Variants in OXR1 observed in about 807,000 individuals in gnomAD.
OXR1 encodes the protein oxidation resistance protein 1.
Under a neutral mutation model 104.6 loss-of-function variants are expected in OXR1, and 41 were observed. That is an observed-to-expected ratio of 0.39 (90% CI 0.31 to 0.51). OXR1 has a LOEUF of 0.51. OXR1 is among the 20% of genes least tolerant of loss of function. The pLI, the probability that OXR1 is intolerant of heterozygous loss-of-function variation, is 0.77. For missense variants in OXR1, 955 were observed against 1,031.9 expected, an observed-to-expected ratio of 0.93 and a Z score of 1.02; for synonymous variants, 348 against 348.4, an observed-to-expected ratio of 1.00 and a Z score of 0.01.
intron 3 of OXR1, among the ~76,000 whole-genome samples, chr8:106,523,352 G>A (rs1288508214): frequency 6.6e-6 from 1 of 152,120 alleles, no homozygotes; most frequent in African/African-American, 2.4e-5. Flanking sequence ...AGTTATGCAG[G>A]TATGTACACC....
At chr8:106,608,394 T>TG (rs1282042692) in intron 3 of OXR1, among the ~76,000 whole-genome samples, 1 of 152,160 alleles carries the variant, frequency 6.6e-6, no homozygotes, top group Non-Finnish European at 1.5e-5. Flanking sequence ...AATCTTTCAA[T>TG]GGCCTAATGA....
At chr8:106,666,164 T>C (rs1826305466) in intron 3 of OXR1, among the ~76,000 whole-genome samples, 2 of 152,236 alleles carry the variant, frequency 1.3e-5, no homozygotes, top group Admixed American at 6.5e-5. Context: ...TATGCAGTTA[T>C]CTAACAGTCC....
intron 3 of OXR1, among the ~76,000 whole-genome samples, chr8:106,650,393 T>C (rs907428434): frequency 3.9e-5 from 6 of 152,186 alleles, no homozygotes; most frequent in Non-Finnish European, 8.8e-5. Context: ...TTAGGTATAC[T>C]GACTGCAGAT....
intron 3 of OXR1, among the ~76,000 whole-genome samples, chr8:106,661,526 TG>T (rs1055269698): frequency 4.6e-5 from 7 of 152,222 alleles, no homozygotes; most frequent in African/African-American, 1.7e-4. Flanking sequence ...AGCTCTTGTT[TG>T]GGGGCATAAC....
chr8:106,299,761 A>C (rs1220879228), intron 1 of OXR1, among the ~76,000 whole-genome samples: 2 of 152,206 alleles, frequency 1.3e-5, no homozygotes, highest in African/African-American at 4.8e-5. Flanking sequence ...ATGCTTGACT[A>C]TATGTTGATC....
intron 3 of OXR1, among the ~76,000 whole-genome samples, chr8:106,601,197 A>T (rs1280540097): frequency 6.6e-6 from 1 of 152,236 alleles, no homozygotes; most frequent in Non-Finnish European, 1.5e-5. Context: ...TACCCAAAAA[A>T]GTTAAAAAGA....
chr8:106,345,883 A>C (rs148089323), intron 1 of OXR1, among the ~76,000 whole-genome samples: 2 of 152,336 alleles, frequency 1.3e-5, no homozygotes, highest in African/African-American at 4.8e-5. Context: ...ACAATCAGAA[A>C]AATTGAAACC....
intron 3 of OXR1, chr8:106,581,288 A>C (rs1188901209): frequency 4.0e-6 from 5 of 1,247,980 alleles, no homozygotes; most frequent in African/African-American, 1.5e-5. Flanking sequence ...ATTTTTTTTT[A>C]ATTTTTCATT....
intron 2 of OXR1, among the ~76,000 whole-genome samples, chr8:106,372,086 T>C (rs111563583): frequency 0.047 from 7,117 of 152,286 alleles, 516 homozygotes; most frequent in African/African-American, 0.16. Flanking sequence ...CTTAGGCAGA[T>C]TCCAGCTGAG....
intron 11 of OXR1, among the ~76,000 whole-genome samples, chr8:106,724,324 G>C (rs1833126149): frequency 6.6e-6 from 1 of 152,086 alleles, no homozygotes; most frequent in Non-Finnish European, 1.5e-5. Flanking sequence ...ATTGACATCT[G>C]CTTCAAATTC....
At chr8:106,707,387 G>GCT in intron 9 of OXR1, 1 of 622,980 alleles carries the variant, frequency 1.6e-6, no homozygotes, top group Admixed American at 3.1e-5. Flanking sequence ...AACATTCTTG[G>GCT]CTCACTACAT....
intron 2 of OXR1, among the ~76,000 whole-genome samples, chr8:106,370,413 T>A (rs150506095): frequency 0.025 from 3,804 of 152,262 alleles, 164 homozygotes; most frequent in African/African-American, 0.087. Context: ...CTGATTGCCC[T>A]GGCCAAAACT....
At chr8:106,470,796 CAT>C (rs1347337935) in intron 2 of OXR1, among the ~76,000 whole-genome samples, 1 of 151,636 alleles carries the variant, frequency 6.6e-6, no homozygotes, top group African/African-American at 2.4e-5. Context: ...TATGAAAAGA[CAT>C]ATGAGTGTGA....
chr8:106,491,946 GCTA>G (rs1209426794), intron 2 of OXR1, among the ~76,000 whole-genome samples: 2 of 152,084 alleles, frequency 1.3e-5, no homozygotes, highest in African/African-American at 4.8e-5. Flanking sequence ...GATATAAAAT[GCTA>G]TCTGGCTATA....
At chr8:106,492,854 A>C (rs1373629894) in intron 2 of OXR1, among the ~76,000 whole-genome samples, 3 of 152,212 alleles carry the variant, frequency 2.0e-5, no homozygotes, top group Non-Finnish European at 4.4e-5. Flanking sequence ...AACTTTCACC[A>C]GTCCAGAATC....
chr8:106,305,832 A>G (rs554959808), intron 1 of OXR1, among the ~76,000 whole-genome samples: 5 of 152,210 alleles, frequency 3.3e-5, no homozygotes, highest in Admixed American at 6.5e-5. Context: ...GTAACATCTA[A>G]CGAGGATAGA....
chr8:106,271,775 A>G (rs1811822578), intron 1 of OXR1: 1 of 152,194 alleles, frequency 6.6e-6, no homozygotes, highest in South Asian at 2.1e-4. Flanking sequence ...CCCAAACCTG[A>G]TGCGGGTCTT....
rs1410178947 is a variant in OXR1 at position 106,615,764 on chromosome 8, A to C, written c.221-63446A>C. ...GTTCTCTCCTTATGCTCACCTTATA[A>C]AGCTGCAAGGAAACATTGTGTCATT... is the stretch of plus-strand genomic sequence containing the variant. On this transcript the variant is annotated intron_variant, in intron 3 of 16. Transcript: ENST00000517566. Among the ~76,000 whole-genome samples, 5 of 152,196 alleles carry C rather than the reference A, an allele frequency of 3.3e-5. No homozygotes were observed. The East Asian group carries it at 9.6e-4, about 29-fold the overall frequency.
At chr8:106,479,440 T>A (rs747945058) in intron 2 of OXR1, among the ~76,000 whole-genome samples, 45 of 151,988 alleles carry the variant, frequency 3.0e-4, no homozygotes, top group Non-Finnish European at 5.4e-4. Flanking sequence ...AACTTTGGAT[T>A]TTCTCTACTG....
Sources: allele counts gnomAD v4.1 joint callset (sites outside exome capture counted in the v4.1 genomes callset), GRCh38; gene constraint gnomAD v4.1.1; transcripts MANE v1.5; gene names NCBI Gene and HGNC (gene_info 2026-07-23, HGNC 2026-07-21).